MAP2: variants seen among roughly 807,000 people sequenced by gnomAD.
MAP2 encodes microtubule-associated protein 2.
A neutral mutation model predicts 137.6 loss-of-function variants in MAP2; 14 were observed. That is an observed-to-expected ratio of 0.10 (90% confidence interval 0.07 to 0.16). The LOEUF (loss-of-function observed/expected upper bound fraction) is 0.16. Ranked by LOEUF, MAP2 falls within the 10% of genes least tolerant of loss-of-function variation. The probability of loss-of-function intolerance (pLI) is 1.00; values close to 1 mark genes in which losing one functional copy is unlikely to be tolerated. For missense variants in MAP2, 2,088 were observed against 2,191.5 expected (o/e 0.95, Z 0.94); for synonymous variants, 786 against 782.3 (o/e 1.00, Z -0.08).
At chr2:209,660,202 C>G (rs1285695090) in intron 5 of MAP2, among the ~76,000 whole-genome samples, 1 of 151,966 alleles carries the variant, frequency 6.6e-6, no homozygotes, top group African/African-American at 2.4e-5. Context: ...GCATGCTATC[C>G]AGACCTACCC....
At chr2:209,656,929 A>G (rs1582458470) in intron 5 of MAP2, among the ~76,000 whole-genome samples, 1 of 151,294 alleles carries the variant, frequency 6.6e-6, no homozygotes, top group Admixed American at 6.6e-5. Context: ...CCTCTTTCCC[A>G]CCCTCCCGCC....
At chr2:209,599,682 A>G (rs186211558) in intron 3 of MAP2, among the ~76,000 whole-genome samples, 5 of 152,206 alleles carry the variant, frequency 3.3e-5, no homozygotes, top group Admixed American at 6.6e-5. Flanking sequence ...TCTGGAGTCT[A>G]TGGCTGGTAA....
At chr2:209,513,599 C>A (rs181989967) in intron 2 of MAP2, among the ~76,000 whole-genome samples, 34 of 152,064 alleles carry the variant, frequency 2.2e-4, no homozygotes, top group Non-Finnish European at 4.4e-5. Flanking sequence ...TCACTGTATC[C>A]TCTCTCGGCC....
intron 1 of MAP2, among the ~76,000 whole-genome samples, chr2:209,498,759 C>T (rs2060044489): frequency 6.6e-6 from 1 of 152,240 alleles, no homozygotes; most frequent in African/African-American, 2.4e-5. Flanking sequence ...GCACAGGCTG[C>T]AGCCAGAGCT....
At chr2:209,627,357 T>C (rs2092473919) in intron 4 of MAP2, among the ~76,000 whole-genome samples, 1 of 152,190 alleles carries the variant, frequency 6.6e-6, no homozygotes, top group African/African-American at 2.4e-5. Flanking sequence ...CTCCCAACTT[T>C]TATTTTCTGA....
At chr2:209,567,602 A>AT (rs2073712250) in intron 2 of MAP2, among the ~76,000 whole-genome samples, 1 of 152,018 alleles carries the variant, frequency 6.6e-6, no homozygotes. Context: ...TAGAAAAAAA[A>AT]TTGAGTTCCG....
rs946307677 is a variant in MAP2 at position 209,700,154 on chromosome 2, A to G, written c.4523-123A>G. 8.7e-6 allele frequency: 6 copies of G among 687,482 alleles called. No homozygotes were observed. The African/African-American group carries it at 1.1e-4, about 12-fold the overall frequency. The allele number at this position is 687,482 out of a possible 1,614,324, so 42.6% of individuals were successfully genotyped here. ...TGAGTTATTGAATTTGAGTCTCATA[A>G]TAAGCAAACTTTTGCTTTGCATTAG... On this transcript the variant is annotated intron_variant, in intron 10 of 15. Transcript: ENST00000682079.
rs1281668045 is a variant in MAP2 at position 209,461,405 on chromosome 2, A to T, written c.-222+37129A>T. 2.0e-5 allele frequency among the ~76,000 whole-genome samples: 3 copies of T among 152,210 alleles called. No homozygotes were observed. In the East Asian group the frequency reaches 5.8e-4, roughly 29 times the overall value. ...ATATTGGATCATTGCAGAAAGTTTG[A>T]CTGCATAGCATGGCTTTAAATAATT... On this transcript the variant is annotated intron_variant, in intron 1 of 15. Transcript: ENST00000682079.
chr2:209,435,727 A>C (rs1695762269), intron 1 of MAP2, among the ~76,000 whole-genome samples: 1 of 151,224 alleles, frequency 6.6e-6, no homozygotes, highest in Non-Finnish European at 1.5e-5. Context: ...AACTATTTAG[A>C]GTGGGAAACT....
chr2:209,570,116 A>T (rs1341482269), intron 2 of MAP2, among the ~76,000 whole-genome samples: 1 of 151,876 alleles, frequency 6.6e-6, no homozygotes, highest in Non-Finnish European at 1.5e-5. Context: ...AAAAATCTAT[A>T]TTTTTAATCT....
At chr2:209,680,299 G>C (rs1363747529) in intron 6 of MAP2, among the ~76,000 whole-genome samples, 3 of 152,124 alleles carry the variant, frequency 2.0e-5, no homozygotes, top group Non-Finnish European at 4.4e-5. Context: ...TAGTGATCAA[G>C]ATAACACATG....
At chr2:209,690,231 A>G (rs1363849885) in intron 7 of MAP2, among the ~76,000 whole-genome samples, 5 of 152,038 alleles carry the variant, frequency 3.3e-5, no homozygotes, top group Non-Finnish European at 4.4e-5. Flanking sequence ...TCTTTTCACA[A>G]CCATCTGTTA....
chr2:209,575,462 A>G (rs1217867428), intron 2 of MAP2, among the ~76,000 whole-genome samples: 2 of 135,390 alleles, frequency 1.5e-5, no homozygotes, highest in Admixed American at 1.6e-4. Flanking sequence ...TGGAGCTTGC[A>G]GTGAGCCGAG....
In MAP2 at chr2:209,680,817, A is replaced by G; in HGVS notation, c.444A>G (p.Thr148=). The G allele has an allele frequency of 2.5e-6, 4 of 1,613,522 alleles. No homozygotes were observed. The highest frequency in any genetic ancestry group is 3.4e-6 in the Non-Finnish European group (4 of 1,179,552). ...PPSPASEQTV[T]VEEDLLTASK... is the part of the protein sequence containing the mutation. ...CACCTGCCTCAGAACAGACTGTCAC[A>G]GTGGAGGAAGGTAAGGCCTATTGGA... is the stretch of plus-strand genomic sequence containing the variant. The change falls in exon 7 of 16, where the codon ACA becomes ACG. Residue 148 remains threonine, a synonymous_variant. Transcript: ENST00000682079.
intron 1 of MAP2, among the ~76,000 whole-genome samples, chr2:209,432,106 G>A (rs1694449117): frequency 6.6e-6 from 1 of 152,034 alleles, no homozygotes; most frequent in Non-Finnish European, 1.5e-5. Context: ...AACATATAAG[G>A]GGAATCCAAC....
chr2:209,529,035 A>G (rs2064676149), intron 2 of MAP2, among the ~76,000 whole-genome samples: 1 of 151,976 alleles, frequency 6.6e-6, no homozygotes, highest in African/African-American at 2.4e-5. Flanking sequence ...AATTCATTAT[A>G]GTTCCTTAAG....
chr2:209,622,124 G>A (rs911983104), intron 3 of MAP2, among the ~76,000 whole-genome samples: 1 of 152,174 alleles, frequency 6.6e-6, no homozygotes, highest in Admixed American at 6.5e-5. Flanking sequence ...GGTTCTGGAA[G>A]GTAGCATAAG....
chr2:209,669,597 T>C (rs1328148815), intron 5 of MAP2, among the ~76,000 whole-genome samples: 1 of 152,056 alleles, frequency 6.6e-6, no homozygotes, highest in Non-Finnish European at 1.5e-5. Flanking sequence ...TTTTTTTCCA[T>C]CATATCCTGT....
chr2:209,442,861 A>G (rs1056344711), intron 1 of MAP2, among the ~76,000 whole-genome samples: 3 of 151,540 alleles, frequency 2.0e-5, no homozygotes, highest in African/African-American at 7.3e-5. Context: ...TAGACTCCTA[A>G]ATATATATTT....
Sources: gnomAD v4.1 joint callset for allele counts (sites outside exome capture counted in the v4.1 genomes callset) on GRCh38, gnomAD v4.1.1 for gene constraint, MANE v1.5 for transcripts, NCBI Gene and HGNC (gene_info 2026-07-23, HGNC 2026-07-21) for gene names.